The following SNCAIP variants were observed in gnomAD, a reference collection of about 807,000 sequenced individuals.
The protein encoded by SNCAIP is synphilin-1.
SNCAIP carries 43 observed loss-of-function variants against 86.7 expected under a neutral mutation model. That is an observed-to-expected ratio of 0.50 (90% CI 0.39 to 0.64). The LOEUF is 0.64. Ranked by LOEUF, SNCAIP falls within the 30% of genes least tolerant of loss-of-function variation. The pLI is 0.00. For synonymous variants in SNCAIP, 417 were observed against 427.2 expected (o/e 0.98, Z 0.29); for missense variants, 981 against 1,103.1 (o/e 0.89, Z 1.57).
intron 1 of SNCAIP, among the ~76,000 whole-genome samples, chr5:122,365,169 C>A (rs1762925191): frequency 6.6e-6 from 1 of 152,096 alleles, no homozygotes; most frequent in Admixed American, 6.6e-5. Context: ...CTTCTTTTTG[C>A]TTTCCCTAAT....
chr5:122,439,775 C>T (rs1459850156), intron 6 of SNCAIP, among the ~76,000 whole-genome samples: 1 of 152,150 alleles, frequency 6.6e-6, no homozygotes, highest in African/African-American at 2.4e-5. Context: ...TTTTACCACT[C>T]TCATATTTTT....
intron 6 of SNCAIP, among the ~76,000 whole-genome samples, chr5:122,435,125 T>A (rs1433926112): frequency 1.3e-5 from 2 of 152,166 alleles, no homozygotes; most frequent in East Asian, 1.9e-4. Flanking sequence ...TAGGAATTGA[T>A]TTTCTTCATC....
At chr5:122,401,050 C>A (rs1439038457) in intron 2 of SNCAIP, 37 of 1,550,082 alleles carry the variant, frequency 2.4e-5, no homozygotes, top group Non-Finnish European at 3.1e-5. Flanking sequence ...AGGGAAGATG[C>A]AATGGGCTTT....
chr5:122,312,848 G>T (rs564350574), intron 1 of SNCAIP: 1 of 152,404 alleles, frequency 6.6e-6, no homozygotes, highest in Admixed American at 6.5e-5. Context: ...TCCCAGGCTG[G>T]TCCGCGTGGA....
At position 122,425,441 on chromosome 5, in the gene SNCAIP, G is replaced by C. The variant is rs776082102; in HGVS notation, c.1092G>C (p.Glu364Asp). 1.2e-6 allele frequency: 2 copies of C among 1,613,968 alleles called. No homozygotes were observed. Among genetic ancestry groups the C allele is most frequent in the South Asian group, 1.1e-5 (1 of 91,084 alleles). The change falls in exon 5 of 11, where the codon GAG becomes GAC. Residue 364 changes from glutamate to aspartate, a missense_variant. By Grantham distance (45) the Glu-to-Asp change is conservative (BLOSUM62 2). Coordinates refer to ENST00000261368, the MANE Select transcript of SNCAIP (RefSeq NM_005460.4). ...LHIAASQGHA[E>D]CLQHLTSLMG... ...TTGCGGCGTCACAGGGACACGCAGAGTGTCTACAGCACCTCACTTCTTTGA... is the reference window on the plus strand; with the variant it reads ...TTGCGGCGTCACAGGGACACGCAGACTGTCTACAGCACCTCACTTCTTTGA...
At chr5:122,382,544 G>A (rs1490733928) in intron 1 of SNCAIP, among the ~76,000 whole-genome samples, 25 of 152,328 alleles carry the variant, frequency 1.6e-4, no homozygotes, top group Admixed American at 5.2e-4. Context: ...CTCTCACCTC[G>A]TCAAAGTCAT....
intron 1 of SNCAIP, among the ~76,000 whole-genome samples, chr5:122,367,652 TGC>T (rs1763448759): frequency 6.6e-6 from 1 of 152,136 alleles, no homozygotes; most frequent in Non-Finnish European, 1.5e-5. Context: ...ACTGCACTTA[TGC>T]TGCAAAGACA....
chr5:122,339,329 T>C (rs998379594), intron 1 of SNCAIP, among the ~76,000 whole-genome samples: 6 of 152,228 alleles, frequency 3.9e-5, no homozygotes, highest in Admixed American at 3.3e-4. Context: ...TCTTCCATTT[T>C]ACACACATGG....
At chr5:122,424,374 C>G (rs920473081) in intron 4 of SNCAIP, among the ~76,000 whole-genome samples, 2 of 152,308 alleles carry the variant, frequency 1.3e-5, no homozygotes, top group South Asian at 4.1e-4. Flanking sequence ...GAGAGCTAAA[C>G]TTAAATAGCA....
chr5:122,444,815 A>G, intron 8 of SNCAIP, 83 bp downstream of exon 8: 1 of 1,149,336 alleles, frequency 8.7e-7, no homozygotes, highest in Non-Finnish European at 1.3e-6. Context: ...TGTGCTGAGC[A>G]CTCTTCTTTC....
rs377476457 is a variant in SNCAIP, at chr5:122,449,589, G to C, written c.1593-256G>C. On this transcript the variant is annotated intron_variant, in intron 8 of 10. Coordinates refer to ENST00000261368, the MANE Select transcript of SNCAIP (RefSeq NM_005460.4). ...GTCATTATAGAAATAATTATAATTT[G>C]TTCACTGAGACTTACTGCTAAGCAT... Among the ~76,000 whole-genome samples the C allele has an allele frequency of 5.3e-5, 8 of 151,926 alleles. No individual in the cohort carries two copies. In the East Asian group the frequency reaches 1.5e-3, roughly 29 times the overall value.
At chr5:122,313,068 C>T (rs1750952510) in intron 1 of SNCAIP, 1 of 152,250 alleles carries the variant, frequency 6.6e-6, no homozygotes, top group Non-Finnish European at 1.5e-5. Flanking sequence ...TTGAGGAACA[C>T]GCTACTGCTT....
At chr5:122,385,670 C>CGTGT (rs1355135907) in intron 1 of SNCAIP, among the ~76,000 whole-genome samples, 2 of 144,552 alleles carry the variant, frequency 1.4e-5, no homozygotes, top group Non-Finnish European at 3.0e-5. Flanking sequence ...CGTGTGCGCA[C>CGTGT]GTATGTGTGT....
chr5:122,377,629 G>A (rs1026544418), intron 1 of SNCAIP, among the ~76,000 whole-genome samples: 6 of 151,516 alleles, frequency 4.0e-5, no homozygotes, highest in Non-Finnish European at 5.9e-5. Context: ...ATGCTGGTGC[G>A]CTGCACCTAC....
chr5:122,438,303 C>T (rs999887663), intron 6 of SNCAIP, among the ~76,000 whole-genome samples: 4 of 152,148 alleles, frequency 2.6e-5, no homozygotes, highest in Non-Finnish European at 5.9e-5. Flanking sequence ...TTTCTCCTCA[C>T]GTCCCAAAGA....
intron 1 of SNCAIP, among the ~76,000 whole-genome samples, chr5:122,377,502 G>C (rs919456629): frequency 3.8e-5 from 3 of 78,558 alleles, no homozygotes; most frequent in African/African-American, 6.2e-5. Flanking sequence ...GACAGAGAGA[G>C]AGAGAGAGAG....
chr5:122,338,826 C>T (rs552918545), intron 1 of SNCAIP, among the ~76,000 whole-genome samples: 7 of 152,234 alleles, frequency 4.6e-5, no homozygotes, highest in Non-Finnish European at 8.8e-5. Context: ...GTGATCTAAA[C>T]ATGAGAGTTG....
intron 10 of SNCAIP, chr5:122,452,924 G>A (rs752854144): frequency 1.2e-4 from 179 of 1,544,298 alleles, no homozygotes; most frequent in Admixed American, 2.0e-4. Context: ...CACCTCTCTA[G>A]GAAATGTACA....
chr5:122,377,362 C>A (rs892295365), intron 1 of SNCAIP, among the ~76,000 whole-genome samples: 1 of 151,806 alleles, frequency 6.6e-6, no homozygotes, highest in African/African-American at 2.4e-5. Context: ...GTATTTTTTT[C>A]TATTATACAT....
Sources: gnomAD v4.1 joint callset for allele counts (sites outside exome capture counted in the v4.1 genomes callset) on GRCh38, gnomAD v4.1.1 for gene constraint, MANE v1.5 for transcripts, NCBI Gene and HGNC (gene_info 2026-07-23, HGNC 2026-07-21) for gene names.